The following AHCTF1 variants were observed in gnomAD, a reference collection of about 807,000 sequenced individuals.
AHCTF1 encodes AT-hook containing transcription factor 1.
Under a neutral mutation model 248.4 loss-of-function variants are expected in AHCTF1, and 24 were observed. That is an observed-to-expected ratio of 0.10 (90% CI 0.07 to 0.14). The LOEUF (loss-of-function observed/expected upper bound fraction) is 0.14, where lower values mean the gene tolerates loss of function less well. AHCTF1 is among the 10% of genes least tolerant of loss of function. AHCTF1 has a pLI of 1.00. For synonymous variants in AHCTF1, 786 were observed against 929.8 expected (o/e 0.85, Z 2.81); for missense variants, 2,206 against 2,636.2 (o/e 0.84, Z 3.57).
At chr1:246,908,723 T>TA (rs35110822) in intron 4 of AHCTF1, among the ~76,000 whole-genome samples, 3,396 of 106,808 alleles carry the variant, frequency 0.032, 160 homozygotes, top group African/African-American at 0.11. Context: ...CAGTCTCTAC[T>TA]AAAAAAAAAA....
chr1:246,841,510 T>C (rs778112639), intron 35 of AHCTF1, among the ~76,000 whole-genome samples: 10 of 152,230 alleles, frequency 6.6e-5, no homozygotes, highest in Non-Finnish European at 1.0e-4. Context: ...TGTGCTTTTA[T>C]TGAATTCAAC....
At chr1:246,931,439 G>GAGCCCCATC in intron 1 of AHCTF1, 139 bp downstream of exon 1, 1 of 1,368,120 alleles carries the variant, frequency 7.3e-7, no homozygotes, top group East Asian at 3.0e-5. Context: ...TTGGCCCCGC[G>GAGCCCCATC]CACGCCCGGC....
intron 26 of AHCTF1, among the ~76,000 whole-genome samples, 179 bp downstream of exon 26, chr1:246,867,065 T>C (rs781311198): frequency 6.6e-6 from 1 of 152,212 alleles, no homozygotes; most frequent in Non-Finnish European, 1.5e-5. Flanking sequence ...ATTTTAAGTA[T>C]ACTACTACCT....
rs769825807 is a variant in AHCTF1 at position 246,895,877 on chromosome 1, G to C, written c.1672C>G (p.Leu558Val). 7 of 1,613,096 alleles carry C rather than the reference G, an allele frequency of 4.3e-6. No individual in the cohort carries two copies. The East Asian group carries it at 1.6e-4, about 36-fold the overall frequency. Residue 558 changes from leucine to valine, a missense_variant, in exon 13 of 36, where the codon CTG becomes GTG. Physicochemically the swap from Leu to Val is conservative, Grantham distance 32. Coordinates refer to ENST00000648844, the MANE Select transcript of AHCTF1 (RefSeq NM_001323342.2). ...CGGATATAACCAGTCAAAAGTCCCA[G>C]GGAACTAGTCTGAATTGCTGCTGAC... is the stretch of plus-strand genomic sequence containing the variant. Reference protein sequence around the residue: ...ILSAAIQTSSLGLLTGYIRRW... With the variant: ...ILSAAIQTSSVGLLTGYIRRW...
intron 17 of AHCTF1, 147 bp downstream of exon 17, chr1:246,889,819 A>G (rs1157579697): frequency 1.9e-5 from 10 of 531,434 alleles, no homozygotes; most frequent in Non-Finnish European, 3.0e-5. Context: ...CTTTTTTAAA[A>G]AAGAGAAATA....
intron 33 of AHCTF1, among the ~76,000 whole-genome samples, 160 bp downstream of exon 33, chr1:246,849,455 T>C (rs906709154): frequency 1.6e-4 from 24 of 152,344 alleles, no homozygotes; most frequent in African/African-American, 5.8e-4. Flanking sequence ...ACTCAAACTT[T>C]GAAACATGAA....
Position 246,882,634 on chromosome 1 carries a change from C to G in AHCTF1, c.2660+2859G>C, listed in dbSNP as rs186176782. Among the ~76,000 whole-genome samples, 82 of 152,262 alleles carry G rather than the reference C, an allele frequency of 5.4e-4. 1 individual carries two copies. Among genetic ancestry groups the G allele is most frequent in the African/African-American group, 1.9e-3 (81 of 41,562 alleles). On this transcript the variant is annotated intron_variant, in intron 21 of 35. Coordinates refer to ENST00000648844, the MANE Select transcript of AHCTF1 (RefSeq NM_001323342.2). ...AGGACAGCAAAATAAACCCACCTAA[C>G]AAAGAGGAAAAATTATGCCTATACA...
At chr1:246,860,195 G>A (rs1268664684) in intron 29 of AHCTF1, among the ~76,000 whole-genome samples, 3 of 150,888 alleles carry the variant, frequency 2.0e-5, no homozygotes, top group South Asian at 2.1e-4. Context: ...GGTTGGGGGG[G>A]GGGCGGAGGT....
At chr1:246,863,383 A>C (rs1388553005) in intron 27 of AHCTF1, among the ~76,000 whole-genome samples, 1 of 152,034 alleles carries the variant, frequency 6.6e-6, no homozygotes, top group Non-Finnish European at 1.5e-5. Flanking sequence ...TAAAAAAAAA[A>C]AAACAAAACT....
chr1:246,883,716 T>C lies in AHCTF1; in HGVS notation c.2660+1777A>G, dbSNP rs553586331. Among the ~76,000 whole-genome samples the C allele has an allele frequency of 2.0e-5, 3 of 152,304 alleles. No homozygotes were observed. The South Asian group carries it at 6.2e-4, about 32-fold the overall frequency. ...AATACAAGCTATCTCACAAATAGCA[T>C]TTTGAGTGGTTGTTTTTATTTCTGT... On this transcript the variant is annotated intron_variant, in intron 21 of 35. Coordinates refer to ENST00000648844, the MANE Select transcript of AHCTF1 (RefSeq NM_001323342.2).
At chr1:246,894,541 CAAA>C (rs1476745821) in intron 14 of AHCTF1, 115 bp downstream of exon 14, 1 of 856,462 alleles carries the variant, frequency 1.2e-6, no homozygotes, top group African/African-American at 1.7e-5. Flanking sequence ...GACTCAGTCT[CAAA>C]AAAAGAAAAG....
chr1:246,924,779 A>C (rs1666817602), intron 1 of AHCTF1, among the ~76,000 whole-genome samples: 1 of 152,168 alleles, frequency 6.6e-6, no homozygotes, highest in Admixed American at 6.6e-5. Context: ...CAAAACCTAA[A>C]AAGTTATGTT....
Position 246,843,786 on chromosome 1 carries a change from A to G in AHCTF1, c.6525+9T>C. On this transcript the variant is annotated intron_variant, in intron 34 of 35. Transcript: ENST00000648844. ...AACAAACATACAAATAAAATCATGC[A>G]TTTCTTACCAGTTCATCTTCAAGCT... The G allele has an allele frequency of 7.2e-7, 1 of 1,387,060 alleles. No homozygotes were observed. The highest frequency in any genetic ancestry group is 9.4e-7 in the Non-Finnish European group (1 of 1,062,072). The allele number at this position is 1,387,060 out of a possible 1,614,324, so 85.9% of individuals were successfully genotyped here.
chr1:246,907,906 T>C (rs1451181636), intron 4 of AHCTF1, 148 bp from the exon 5 acceptor site: 2 of 668,758 alleles, frequency 3.0e-6, no homozygotes, highest in East Asian at 2.9e-5. Context: ...CAAAAAAGTA[T>C]GTTAAACTAG....
chr1:246,865,278 G>A (rs1275517002), intron 26 of AHCTF1: 1 of 152,144 alleles, frequency 6.6e-6, no homozygotes, highest in Admixed American at 6.5e-5. Context: ...GAAAAGGAGA[G>A]TATGCTTTGG....
chr1:246,899,436 C>T lies in AHCTF1; in HGVS notation c.1494+15G>A, dbSNP rs1269059091. On this transcript the variant is annotated intron_variant, in intron 11 of 35. Coordinates refer to ENST00000648844, the MANE Select transcript of AHCTF1 (RefSeq NM_001323342.2). ...TGACTTCAGTTCAATTAAGAAATCA[C>T]TAGTTGTTACCTACCTCCTTCTGAA... 1.3e-6 allele frequency: 2 copies of T among 1,590,716 alleles called. No homozygotes were observed. Among genetic ancestry groups the T allele is most frequent in the Non-Finnish European group, 1.7e-6 (2 of 1,165,742 alleles).
chr1:246,876,384 C>G (rs1662967795), intron 23 of AHCTF1, among the ~76,000 whole-genome samples, 197 bp from the exon 24 acceptor site: 1 of 152,174 alleles, frequency 6.6e-6, no homozygotes, highest in Non-Finnish European at 1.5e-5. Flanking sequence ...AATTCCAAAT[C>G]TCGCTACCAA....
chr1:246,915,964 A>G (rs1344133527), intron 3 of AHCTF1, among the ~76,000 whole-genome samples, 178 bp downstream of exon 3: 1 of 152,212 alleles, frequency 6.6e-6, no homozygotes. Context: ...TGAATAACAT[A>G]TCATCTTTAA....
intron 14 of AHCTF1, 82 bp downstream of exon 14, chr1:246,894,577 A>G: frequency 1.8e-6 from 2 of 1,123,556 alleles, no homozygotes; most frequent in Non-Finnish European, 2.6e-6. Context: ...CAAAATGATT[A>G]AAAATTATGT....
Sources: gnomAD v4.1 joint callset for allele counts (sites outside exome capture counted in the v4.1 genomes callset) on GRCh38, gnomAD v4.1.1 for gene constraint, MANE v1.5 for transcripts, NCBI Gene and HGNC (gene_info 2026-07-23, HGNC 2026-07-21) for gene names.